RORB: variants seen among roughly 807,000 people sequenced by gnomAD.
RORB encodes the protein RAR related orphan receptor B.
A neutral mutation model predicts 59.1 loss-of-function variants in RORB; 6 were observed. The ratio of observed to expected loss-of-function variants is 0.10; its 90% confidence interval spans 0.06 to 0.20. The LOEUF is 0.20. Ranked by LOEUF, RORB falls within the 10% of genes least tolerant of loss-of-function variation. RORB has a pLI of 1.00. For synonymous variants in RORB, 215 were observed against 204.5 expected, an observed-to-expected ratio of 1.05 and a Z score of -0.44; for missense variants, 320 against 560.5, an observed-to-expected ratio of 0.57 and a Z score of 4.33.
chr9:74,566,734 T>C (rs2118211601), intron 1 of RORB, among the ~76,000 whole-genome samples: 1 of 151,940 alleles, frequency 6.6e-6, no homozygotes, highest in South Asian at 2.1e-4. Context: ...GAGGTGGAGG[T>C]TGCAGTGAGC....
chr9:74,521,873 C>T (rs1475213), intron 1 of RORB, among the ~76,000 whole-genome samples: 150,385 of 151,888 alleles, frequency 0.99, 74,475 homozygotes, highest in Middle Eastern at 1. Flanking sequence ...TTAGATGGTT[C>T]ACTATAAAAT....
intron 1 of RORB, among the ~76,000 whole-genome samples, chr9:74,553,932 A>G (rs967817121): frequency 1.3e-5 from 2 of 152,196 alleles, no homozygotes; most frequent in Non-Finnish European, 2.9e-5. Flanking sequence ...CTTGGAAATC[A>G]TCTAATTCAA....
chr9:74,557,667 T>C (rs909183582), intron 1 of RORB, among the ~76,000 whole-genome samples: 3 of 152,128 alleles, frequency 2.0e-5, no homozygotes, highest in African/African-American at 7.2e-5. Context: ...ATTGTTAACA[T>C]GGCTTTCTGC....
At chr9:74,500,688 G>A (rs1042772520) in intron 1 of RORB, among the ~76,000 whole-genome samples, 7 of 152,078 alleles carry the variant, frequency 4.6e-5, no homozygotes, top group Admixed American at 1.3e-4. Context: ...GGCCAATCCG[G>A]CAAACCTATT....
intron 1 of RORB, among the ~76,000 whole-genome samples, chr9:74,565,376 C>G (rs1272354902): frequency 1.3e-5 from 2 of 152,120 alleles, no homozygotes; most frequent in Non-Finnish European, 2.9e-5. Context: ...AGTAGGAGAA[C>G]AATGAATCTT....
At chr9:74,610,464 G>A (rs1823217932) in intron 1 of RORB, among the ~76,000 whole-genome samples, 1 of 152,168 alleles carries the variant, frequency 6.6e-6, no homozygotes, top group Admixed American at 6.5e-5. Flanking sequence ...TGTTTATTAT[G>A]TGCCCAGGGC....
At chr9:74,531,023 A>G (rs1268166469) in intron 1 of RORB, among the ~76,000 whole-genome samples, 1 of 151,666 alleles carries the variant, frequency 6.6e-6, no homozygotes, top group African/African-American at 2.4e-5. Context: ...TCCTTGTTTC[A>G]TAAGGCACTA....
At chr9:74,657,275 C>A (rs535573810) in intron 4 of RORB, among the ~76,000 whole-genome samples, 1 of 151,864 alleles carries the variant, frequency 6.6e-6, no homozygotes, top group Non-Finnish European at 1.5e-5. Context: ...CCATGTTGGC[C>A]GGGATGGTCT....
At chr9:74,632,794 T>C (rs1299263275) in intron 2 of RORB, among the ~76,000 whole-genome samples, 3 of 152,148 alleles carry the variant, frequency 2.0e-5, no homozygotes, top group African/African-American at 7.2e-5. Context: ...TAATCAAGAC[T>C]GATGGGCTGA....
intron 1 of RORB, among the ~76,000 whole-genome samples, chr9:74,506,871 G>T (rs537433106): frequency 6.6e-6 from 1 of 152,186 alleles, no homozygotes; most frequent in Admixed American, 6.5e-5. Context: ...CCCTTCGGTT[G>T]TAACAATATC....
At chr9:74,533,092 C>G (rs1460345259) in intron 1 of RORB, among the ~76,000 whole-genome samples, 3 of 151,778 alleles carry the variant, frequency 2.0e-5, no homozygotes, top group Non-Finnish European at 2.9e-5. Flanking sequence ...ACTGAACTTG[C>G]TTTACTCATT....
At chr9:74,621,380 T>C (rs887521432) in intron 1 of RORB, among the ~76,000 whole-genome samples, 2 of 152,246 alleles carry the variant, frequency 1.3e-5, no homozygotes, top group Non-Finnish European at 2.9e-5. Flanking sequence ...CACTCAGTAA[T>C]ATCCATTTAA....
chr9:74,527,515 G>A (rs530901547), intron 1 of RORB, among the ~76,000 whole-genome samples: 1 of 152,130 alleles, frequency 6.6e-6, no homozygotes, highest in South Asian at 2.1e-4. Flanking sequence ...AAGAGGTTTA[G>A]AAACTGTCAA....
At chr9:74,588,291 C>G (rs1822837087) in intron 1 of RORB, among the ~76,000 whole-genome samples, 1 of 152,076 alleles carries the variant, frequency 6.6e-6, no homozygotes, top group Non-Finnish European at 1.5e-5. Flanking sequence ...CCTTCTGACT[C>G]TAATATTCTT....
intron 1 of RORB, among the ~76,000 whole-genome samples, chr9:74,605,775 C>A (rs1048002257): frequency 6.6e-6 from 1 of 152,144 alleles, no homozygotes; most frequent in South Asian, 2.1e-4. Flanking sequence ...GGCTTAAATG[C>A]TCAAACAGAC....
rs1037805717 is a variant in RORB at position 74,577,761 on chromosome 9, A to G, written c.8-52521A>G. 2.6e-5 allele frequency among the ~76,000 whole-genome samples: 4 copies of G among 152,100 alleles called. No homozygotes were observed. The East Asian group carries it at 7.7e-4, about 29-fold the overall frequency. On this transcript the variant is annotated intron_variant, in intron 1 of 9. Transcript: ENST00000376896. Reference sequence around the variant, plus strand: ...CACCCTATAAAATGGAGGCAAAAACATTGGCTCTGTAGGTTTATTATGAGA... The same window carrying G: ...CACCCTATAAAATGGAGGCAAAAACGTTGGCTCTGTAGGTTTATTATGAGA...
In RORB at chr9:74,615,430, A is replaced by T. The variant is rs115116777; in HGVS notation, c.8-14852A>T. On this transcript the variant is annotated intron_variant, in intron 1 of 9. Coordinates refer to ENST00000376896, the MANE Select transcript of RORB (RefSeq NM_006914.4). ...CCTTCTGCGCCTGAGCCAGCCTTTC[A>T]CCCTTACTTAATGAAATGGAGCCGT... Among the ~76,000 whole-genome samples, 383 of 152,276 alleles carry T rather than the reference A, an allele frequency of 2.5e-3. 1 individual carries two copies. The highest frequency in any genetic ancestry group is 8.8e-3 in the African/African-American group (364 of 41,566).
chr9:74,561,815 A>G (rs1266480512), intron 1 of RORB, among the ~76,000 whole-genome samples: 3 of 152,186 alleles, frequency 2.0e-5, no homozygotes, highest in Admixed American at 1.3e-4. Context: ...CCAGGATCCA[A>G]TCCAGAATTC....
In RORB at chr9:74,642,638, G is replaced by A. The variant is rs745494838; in HGVS notation, c.460G>A (p.Gly154Ser). Reference protein sequence around the residue: ...GHVIDLPKSEGYYNVDSGQPS... With the variant: ...GHVIDLPKSESYYNVDSGQPS... ...CGTCATTGACCTGCCCAAGTCTGAGGGTTATTACAACGTCGATTCCGGTCA... is the reference window on the plus strand; with the variant it reads ...CGTCATTGACCTGCCCAAGTCTGAGAGTTATTACAACGTCGATTCCGGTCA... Residue 154 changes from glycine (G) to serine (S), a missense_variant, in exon 4 of 10, where the codon GGT becomes AGT. This residue lies in a region of RORB where 134 missense variants were observed against 156.2 expected (regional missense o/e 0.86). Coordinates refer to ENST00000376896, the MANE Select transcript of RORB (RefSeq NM_006914.4). The A allele has an allele frequency of 5.0e-6, 8 of 1,614,178 alleles. No homozygotes were observed. Among genetic ancestry groups the A allele is most frequent in the Non-Finnish European group, 6.8e-6 (8 of 1,180,032 alleles).
Sources: gnomAD v4.1 joint callset for allele counts (sites outside exome capture counted in the v4.1 genomes callset) on GRCh38, gnomAD v4.1.1 for gene constraint, gnomAD v4.1.1 regional missense constraint, MANE v1.5 for transcripts, NCBI Gene and HGNC (gene_info 2026-07-23, HGNC 2026-07-21) for gene names.